The following OR2M4 variants were observed in gnomAD, a reference collection of about 807,000 sequenced individuals.
The protein encoded by OR2M4 is olfactory receptor family 2 subfamily M member 4, also known as olfactory receptor 2M4.
OR2M4 carries 8 observed loss-of-function variants against 13.7 expected under a neutral mutation model. That is an observed-to-expected ratio of 0.58 (90% CI 0.34 to 1.05). The LOEUF is 1.05. OR2M4 is among the 50% of genes least tolerant of loss of function. The pLI is 0.02. For missense variants in OR2M4, 374 were observed against 381.6 expected (o/e 0.98, Z 0.17); for synonymous variants, 152 against 141.3 (o/e 1.08, Z -0.53).
rs1316590280 is a variant in OR2M4 at position 248,240,502 on chromosome 1, C to T, written c.*638C>T. The T allele has an allele frequency of 6.6e-6, 1 of 152,168 alleles. No homozygotes were observed. Among genetic ancestry groups the T allele is most frequent in the Non-Finnish European group, 1.5e-5 (1 of 68,060 alleles). 9.4% of individuals were successfully genotyped at this position (152,168 alleles called of 1,614,324 possible). On this transcript the variant is annotated 3_prime_UTR_variant, in exon 2 of 2. Transcript: ENST00000641868. ...CCACATAAAATATCTATTTGGGCTG[C>T]ACAGTCAACATCTGTATCATGTCTG...
At position 248,239,300 on chromosome 1, in the gene OR2M4, G is replaced by A. The variant is rs113116050; in HGVS notation, c.372G>A (p.Val124=). 5.1e-5 allele frequency: 83 copies of A among 1,613,976 alleles called. No homozygotes were observed. The African/African-American group carries it at 9.3e-4, about 18-fold the overall frequency. ...CTGTCATGGCTTATGACCGCTATGT[G>A]GCTATATGTCACCCTCTTCAGTACA... ...LLAVMAYDRY[V]AICHPLQYTI... The change falls in exon 2 of 2, where the codon GTG becomes GTA. Residue 124 remains valine, a synonymous_variant. Coordinates refer to ENST00000641868, the MANE Select transcript of OR2M4 (RefSeq NM_017504.2).
At position 248,238,967 on chromosome 1, in the gene OR2M4, C is replaced by T. The variant is rs1384491211; in HGVS notation, c.39C>T (p.Ile13=). ...ACCAGACCTTCAACTCCATCTTCATCCTGCTGGGAATCTTCAATCACAGTC... is the reference window on the plus strand; with the variant it reads ...ACCAGACCTTCAACTCCATCTTCATTCTGCTGGGAATCTTCAATCACAGTC... The part of the protein sequence containing the change: ...WENQTFNSIF[I]LLGIFNHSPT... Residue 13 remains isoleucine (I), a synonymous_variant, in exon 2 of 2, where the codon ATC becomes ATT. Coordinates refer to ENST00000641868, the MANE Select transcript of OR2M4 (RefSeq NM_017504.2). 1 of 1,610,152 alleles carries T rather than the reference C, an allele frequency of 6.2e-7. No homozygotes were observed. The highest frequency in any genetic ancestry group is 8.5e-7 in the Non-Finnish European group (1 of 1,178,360).
intron 1 of OR2M4, among the ~76,000 whole-genome samples, chr1:248,238,186 TAAAC>T (rs1452854111): frequency 6.6e-6 from 1 of 151,718 alleles, no homozygotes; most frequent in East Asian, 1.9e-4. Context: ...AACAAGCAAA[TAAAC>T]AAACAAAAAA....
In OR2M4 at chr1:248,242,920, G is replaced by A. The variant is rs967417087; in HGVS notation, c.*3056G>A. The A allele has an allele frequency of 6.6e-6, 1 of 152,124 alleles. No individual in the cohort carries two copies. Among genetic ancestry groups the A allele is most frequent in the African/African-American group, 2.4e-5 (1 of 41,414 alleles). The allele number at this position is 152,124 out of a possible 1,614,324, so 9.4% of individuals were successfully genotyped here. A position where few individuals can be genotyped will look rare whatever the true frequency, so the allele number is the denominator to read the frequency against. ...ATTTGAAAACAATTTTGATATTGAT[G>A]AATTTAAAGTTACTTTTTAATTTAT... On this transcript the variant is annotated 3_prime_UTR_variant, in exon 2 of 2. Transcript: ENST00000641868.
chr1:248,232,417 C>A (rs1295135959), intron 1 of OR2M4, among the ~76,000 whole-genome samples: 1 of 152,110 alleles, frequency 6.6e-6, no homozygotes, highest in Admixed American at 6.5e-5. Flanking sequence ...TGTGGTTTCT[C>A]CTTCTCTGAT....
intron 1 of OR2M4, among the ~76,000 whole-genome samples, chr1:248,234,554 TG>T (rs2103021788): frequency 6.6e-6 from 1 of 152,312 alleles, no homozygotes; most frequent in Non-Finnish European, 1.5e-5. Context: ...TGCGGTGTTT[TG>T]TTTTCAGTTC....
intron 1 of OR2M4, among the ~76,000 whole-genome samples, chr1:248,235,782 C>T (rs1666550907): frequency 6.6e-6 from 1 of 152,104 alleles, no homozygotes; most frequent in Admixed American, 6.6e-5. Context: ...GAAGTTCATT[C>T]ATGAGTTGGC....
intron 1 of OR2M4, among the ~76,000 whole-genome samples, chr1:248,237,553 T>C (rs1005546710): frequency 1.3e-5 from 2 of 152,014 alleles, no homozygotes; most frequent in Non-Finnish European, 2.9e-5. Context: ...CTTGGGAGGC[T>C]GAGGTGGGAA....
intron 1 of OR2M4, 53 bp from the exon 2 acceptor site, chr1:248,238,857 G>C: frequency 1.7e-6 from 2 of 1,145,504 alleles, no homozygotes; most frequent in South Asian, 3.0e-5. Flanking sequence ...GTCACAGTAT[G>C]TGTTTGAAAA....
At chr1:248,238,843 G>A in intron 1 of OR2M4, 67 bp from the exon 2 acceptor site, 12 of 988,234 alleles carry the variant, frequency 1.2e-5, no homozygotes, top group Non-Finnish European at 1.8e-5. Context: ...GCCCAGTAGA[G>A]TATGTCACAG....
At chr1:248,234,041 A>G (rs1666532346) in intron 1 of OR2M4, among the ~76,000 whole-genome samples, 1 of 152,212 alleles carries the variant, frequency 6.6e-6, no homozygotes. Context: ...ACCTGTTCAA[A>G]GCATCAAATG....
chr1:248,237,004 A>G (rs1666564198), intron 1 of OR2M4, among the ~76,000 whole-genome samples: 1 of 152,212 alleles, frequency 6.6e-6, no homozygotes, highest in Non-Finnish European at 1.5e-5. Context: ...AGCTGGTACC[A>G]TTCTTCTGAA....
rs1398949848 is a variant in OR2M4 at position 248,243,078 on chromosome 1, T to C, written c.*3214T>C. 6.6e-6 allele frequency: 1 copy of C among 152,190 alleles called. No individual in the cohort carries two copies. The highest frequency in any genetic ancestry group is 1.5e-5 in the Non-Finnish European group (1 of 68,028). The allele number at this position is 152,190 out of a possible 1,614,324, so 9.4% of individuals were successfully genotyped here. ...ATATGTGAATCTAATTTTTCAACTG[T>C]AAATTTTATTAAATTTAAATGCAGA... On this transcript the variant is annotated 3_prime_UTR_variant, in exon 2 of 2. Transcript: ENST00000641868.
chr1:248,237,656 A>C lies in OR2M4; in HGVS notation c.-19-1254A>C, dbSNP rs12081306. On this transcript the variant is annotated intron_variant, in intron 1 of 1. Transcript: ENST00000641868. ...AACAGAGCAAGACTCTGTCCCCCCC[A>C]AAAACAAAACAAAACAAAACAAAAA... Among the ~76,000 whole-genome samples the C allele has an allele frequency of 1.8e-3, 275 of 152,076 alleles. 1 individual carries two copies. Among genetic ancestry groups the C allele is most frequent in the African/African-American group, 6.3e-3 (263 of 41,426 alleles).
Position 248,239,324 on chromosome 1 carries a change from C to T in OR2M4, c.396C>T (p.Tyr132=), listed in dbSNP as rs775670711. The T allele has an allele frequency of 6.2e-7, 1 of 1,614,082 alleles. No homozygotes were observed. Among genetic ancestry groups the T allele is most frequent in the East Asian group, 2.2e-5 (1 of 44,866 alleles). ...TGGCTATATGTCACCCTCTTCAGTA[C>T]ACCATCCTCATGAATCCGAAACTCT... is the stretch of plus-strand genomic sequence containing the variant. ...RYVAICHPLQ[Y]TILMNPKLCV... is the part of the protein sequence containing the mutation. The change falls in exon 2 of 2, where the codon TAC becomes TAT. Residue 132 remains tyrosine (Y), a synonymous_variant. Transcript: ENST00000641868.
rs770280146 is a variant in OR2M4, at chr1:248,243,767, G to A, written c.*3903G>A. 1 of 152,148 alleles carries A rather than the reference G, an allele frequency of 6.6e-6. No individual in the cohort carries two copies. Among genetic ancestry groups the A allele is most frequent in the Non-Finnish European group, 1.5e-5 (1 of 68,022 alleles). The allele number at this position is 152,148 out of a possible 1,614,324, so 9.4% of individuals were successfully genotyped here. ...CAGCAGAGTAAACAGACAATCTACA[G>A]AATGGGAGAAGATATTAGCAAAATG... On this transcript the variant is annotated 3_prime_UTR_variant, in exon 2 of 2. Transcript: ENST00000641868.
intron 1 of OR2M4, among the ~76,000 whole-genome samples, chr1:248,238,484 T>A (rs939251815): frequency 3.9e-5 from 6 of 152,154 alleles, no homozygotes; most frequent in African/African-American, 1.2e-4. Flanking sequence ...GAACAGGAAT[T>A]CTGTTGTCAA....
intron 1 of OR2M4, among the ~76,000 whole-genome samples, chr1:248,238,069 C>T (rs1666576153): frequency 6.6e-6 from 1 of 152,100 alleles, no homozygotes; most frequent in Non-Finnish European, 1.5e-5. Flanking sequence ...ACTAAATACC[C>T]TGATTTGATC....
In OR2M4 at chr1:248,240,560, C is replaced by T. The variant is rs1399439038; in HGVS notation, c.*696C>T. ...TCCTTATAATCCTTATATTAACCAT[C>T]AGAATCTGAAGGCAGAGCAAGATGA... is the stretch of plus-strand genomic sequence containing the variant. On this transcript the variant is annotated 3_prime_UTR_variant, in exon 2 of 2. Transcript: ENST00000641868. 7.2e-5 allele frequency: 11 copies of T among 152,180 alleles called. No homozygotes were observed. The highest frequency in any genetic ancestry group is 6.5e-4 in the Admixed American group (10 of 15,280). The allele number at this position is 152,180 out of a possible 1,614,324, so 9.4% of individuals were successfully genotyped here.
Sources: allele counts gnomAD v4.1 joint callset (sites outside exome capture counted in the v4.1 genomes callset), GRCh38; gene constraint gnomAD v4.1.1; transcripts MANE v1.5; gene names NCBI Gene and HGNC (gene_info 2026-07-23, HGNC 2026-07-21).